The following IL17B variants were observed in gnomAD, a reference collection of about 807,000 sequenced individuals.
The protein encoded by IL17B is interleukin-17B.
In IL17B, 14 loss-of-function variants were observed where a neutral mutation model predicts 14.7. The ratio of observed to expected loss-of-function variants is 0.95; its 90% confidence interval spans 0.63 to 1.49. The LOEUF (loss-of-function observed/expected upper bound fraction) is 1.49, where lower values mean the gene tolerates loss of function less well. IL17B is among the 40% of genes most tolerant of loss of function. IL17B has a pLI of 0.00. For synonymous variants in IL17B, 105 were observed against 94.8 expected (o/e 1.11, Z -0.62); for missense variants, 233 against 252.8 (o/e 0.92, Z 0.53).
chr5:149,395,001 A>AT (rs1487930687), intron 1 of IL17B, among the ~76,000 whole-genome samples: 5 of 152,008 alleles, frequency 3.3e-5, no homozygotes, highest in Admixed American at 2.6e-4. Context: ...TGATAGATAC[A>AT]TTTTTTTATC....
chr5:149,384,595 C>T (rs1281198201), intron 1 of IL17B, among the ~76,000 whole-genome samples: 2 of 152,194 alleles, frequency 1.3e-5, no homozygotes, highest in African/African-American at 2.4e-5. Flanking sequence ...GACCTAACCT[C>T]CCTGAGCCTA....
intron 1 of IL17B, among the ~76,000 whole-genome samples, chr5:149,395,047 G>A (rs1031720745): frequency 2.0e-5 from 3 of 152,030 alleles, no homozygotes; most frequent in African/African-American, 4.8e-5. Flanking sequence ...CCAGTATTTA[G>A]TGTTCCCTTC....
At chr5:149,391,492 G>C (rs148502058) in intron 1 of IL17B, among the ~76,000 whole-genome samples, 1 of 152,182 alleles carries the variant, frequency 6.6e-6, no homozygotes, top group Non-Finnish European at 1.5e-5. Flanking sequence ...AGAATGCAGG[G>C]AATTCTTCCC....
intron 1 of IL17B, among the ~76,000 whole-genome samples, chr5:149,388,867 T>G (rs1758882254): frequency 6.6e-6 from 1 of 152,252 alleles, no homozygotes; most frequent in Non-Finnish European, 1.5e-5. Flanking sequence ...CTGGAGTCTC[T>G]GCCCCAGCCA....
upstream of IL17B, among the ~76,000 whole-genome samples, chr5:149,380,955 C>T (rs1758679803): frequency 6.6e-6 from 1 of 152,232 alleles, no homozygotes; most frequent in South Asian, 2.1e-4. Context: ...CTGAAAATAC[C>T]TCCTCAGGCA....
intron 1 of IL17B, among the ~76,000 whole-genome samples, chr5:149,396,799 T>A (rs550864761): frequency 6.6e-6 from 1 of 152,164 alleles, no homozygotes; most frequent in East Asian, 1.9e-4. Context: ...TAGTTCACCA[T>A]GTAATGTGTT....
chr5:149,379,751 T>G (rs1181698380), upstream of IL17B, among the ~76,000 whole-genome samples: 1 of 152,056 alleles, frequency 6.6e-6, no homozygotes, highest in Non-Finnish European at 1.5e-5. Context: ...CGGCCTCAGG[T>G]GAGTTCAGCA....
chr5:149,398,973 G>A (rs529727063), intron 1 of IL17B, among the ~76,000 whole-genome samples: 59 of 152,276 alleles, frequency 3.9e-4, no homozygotes, highest in African/African-American at 1.3e-3. Flanking sequence ...AAGGTGAAAG[G>A]CACTTCTTAC....
intron 1 of IL17B, among the ~76,000 whole-genome samples, chr5:149,386,907 T>C (rs1284849655): frequency 6.6e-6 from 1 of 152,208 alleles, no homozygotes; most frequent in Non-Finnish European, 1.5e-5. Context: ...GGTTTCATCA[T>C]GTTGGCCAGG....
At chr5:149,397,323 C>G (rs1232973070) in intron 1 of IL17B, among the ~76,000 whole-genome samples, 1 of 152,180 alleles carries the variant, frequency 6.6e-6, no homozygotes, top group Non-Finnish European at 1.5e-5. Context: ...TGCCCGCCAT[C>G]AGGCCCGGCT....
chr5:149,381,888 AC>A (rs1414216135), upstream of IL17B, among the ~76,000 whole-genome samples: 1 of 152,102 alleles, frequency 6.6e-6, no homozygotes, highest in Non-Finnish European at 1.5e-5. Context: ...CAGGGCTCCC[AC>A]CCCACGAGTG....
intron 1 of IL17B, among the ~76,000 whole-genome samples, chr5:149,390,630 C>CACACACACACACACACAGAG (rs1491235916): frequency 5.8e-4 from 77 of 132,074 alleles, no homozygotes; most frequent in African/African-American, 2.1e-3. Context: ...CACACACACA[C>CACACACACACACACACAGAG]AGAGATACAC....
At chr5:149,377,092 C>T in intron 1 of IL17B, 67 bp from the exon 2 acceptor site, 1 of 1,377,342 alleles carries the variant, frequency 7.3e-7, no homozygotes, top group African/African-American at 1.5e-5. Flanking sequence ...GACTTGGGGT[C>T]CATGGTCCTT....
At chr5:149,397,694 G>A (rs977991623) in intron 1 of IL17B, among the ~76,000 whole-genome samples, 19 of 152,134 alleles carry the variant, frequency 1.2e-4, no homozygotes, top group Admixed American at 3.3e-4. Flanking sequence ...TTTATTAGGC[G>A]GATTGACTCA....
chr5:149,386,307 G>C (rs966929902), intron 1 of IL17B, among the ~76,000 whole-genome samples: 3 of 152,178 alleles, frequency 2.0e-5, no homozygotes, highest in Admixed American at 6.5e-5. Context: ...CTTGCGATTA[G>C]GGCAGGATTA....
At chr5:149,387,681 C>T (rs1281565537) in intron 1 of IL17B, among the ~76,000 whole-genome samples, 1 of 147,602 alleles carries the variant, frequency 6.8e-6, no homozygotes, top group East Asian at 2.0e-4. Context: ...GGCTGAGAGG[C>T]GAGAGGATCA....
chr5:149,393,741 C>T (rs1479868184), intron 1 of IL17B, among the ~76,000 whole-genome samples: 1 of 151,996 alleles, frequency 6.6e-6, no homozygotes, highest in Non-Finnish European at 1.5e-5. Flanking sequence ...ATTCTGAGAA[C>T]ATTATTTAAG....
chr5:149,388,996 G>T (rs540134675), intron 1 of IL17B, among the ~76,000 whole-genome samples: 2 of 152,316 alleles, frequency 1.3e-5, no homozygotes, highest in East Asian at 3.9e-4. Context: ...TGGGTGTAAG[G>T]CCATAACGTA....
chr5:149,395,389 CTGTGCCA>C (rs1272049192), intron 1 of IL17B, among the ~76,000 whole-genome samples: 1 of 152,172 alleles, frequency 6.6e-6, no homozygotes, highest in Non-Finnish European at 1.5e-5. Flanking sequence ...TTCCCATCTT[CTGTGCCA>C]TGTTTTTATG....
Sources: gnomAD v4.1 joint callset for allele counts (sites outside exome capture counted in the v4.1 genomes callset) on GRCh38, gnomAD v4.1.1 for gene constraint, MANE v1.5 for transcripts, NCBI Gene and HGNC (gene_info 2026-07-23, HGNC 2026-07-21) for gene names.